ZNF704: variants seen among roughly 807,000 people sequenced by gnomAD.
ZNF704 encodes the protein glucocorticoid induced gene 1.
A neutral mutation model predicts 44.7 loss-of-function variants in ZNF704; 10 were observed. The observed-to-expected ratio is 0.22, with a 90% CI of 0.14 to 0.38. ZNF704 has a LOEUF of 0.38. Ranked by LOEUF, ZNF704 falls within the 10% of genes least tolerant of loss-of-function variation. The pLI, the probability that ZNF704 is intolerant of heterozygous loss-of-function variation, is 1.00. For missense variants in ZNF704, 390 were observed against 545.5 expected (o/e 0.71, Z 2.84); for synonymous variants, 211 against 207.6 (o/e 1.02, Z -0.14).
chr8:80,745,001 T>C (rs2131697909), intron 2 of ZNF704, among the ~76,000 whole-genome samples: 1 of 152,226 alleles, frequency 6.6e-6, no homozygotes, highest in African/African-American at 2.4e-5. Flanking sequence ...AAATCTGTGG[T>C]CAATAATTAA....
rs1426388166 is a variant in ZNF704 at position 80,677,510 on chromosome 8, TAACTACCAACAGC to T, written c.559-6920_559-6908del. Among the ~76,000 whole-genome samples, 18 of 152,312 alleles carry T rather than the reference TAACTACCAACAGC, an allele frequency of 1.2e-4. No individual in the cohort carries two copies. The South Asian group carries it at 3.5e-3, about 30-fold the overall frequency. On this transcript the variant is annotated intron_variant, in intron 4 of 8. Coordinates refer to ENST00000327835, the MANE Select transcript of ZNF704 (RefSeq NM_001033723.3). ...TCTGTCAAGTCACTTGGAATTAGGA[TAACTACCAACAGC>T]AATTGTTTATCTCCTCCTCACACAT...
At chr8:80,688,715 T>C (rs1441967542) in intron 3 of ZNF704, among the ~76,000 whole-genome samples, 1 of 152,230 alleles carries the variant, frequency 6.6e-6, no homozygotes, top group African/African-American at 2.4e-5. Flanking sequence ...CATTATGAAA[T>C]GTTTGCTAAT....
At chr8:80,758,801 A>G (rs1807080564) in intron 2 of ZNF704, among the ~76,000 whole-genome samples, 1 of 152,218 alleles carries the variant, frequency 6.6e-6, no homozygotes, top group Non-Finnish European at 1.5e-5. Context: ...TCACAGTTTA[A>G]TTGGCAGCAT....
At chr8:80,670,748 C>T in intron 4 of ZNF704, 145 bp from the exon 5 acceptor site, 1 of 618,094 alleles carries the variant, frequency 1.6e-6, no homozygotes, top group Non-Finnish European at 2.9e-6. Context: ...CTATTGTAGG[C>T]ATCCCTAGGT....
rs898443886 is a variant in ZNF704, at chr8:80,818,248, G to A, written c.221+3126C>T. Among the ~76,000 whole-genome samples the A allele has an allele frequency of 2.0e-5, 3 of 152,054 alleles. No individual in the cohort carries two copies. The East Asian group carries it at 5.8e-4, about 29-fold the overall frequency. On this transcript the variant is annotated intron_variant, in intron 2 of 8. Coordinates refer to ENST00000327835, the MANE Select transcript of ZNF704 (RefSeq NM_001033723.3). ...AAGATAAAGTGAGAAACGTTACAGG[G>A]AACTGATTTTAAATGATTGAAGAAC...
chr8:80,647,122 T>C (rs1817845738), intron 7 of ZNF704, among the ~76,000 whole-genome samples: 1 of 152,242 alleles, frequency 6.6e-6, no homozygotes, highest in Non-Finnish European at 1.5e-5. Context: ...ACAAAACAAA[T>C]TCTCTGCCCT....
intron 2 of ZNF704, among the ~76,000 whole-genome samples, chr8:80,815,584 A>C (rs1278585636): frequency 6.6e-6 from 1 of 152,244 alleles, no homozygotes; most frequent in Non-Finnish European, 1.5e-5. Flanking sequence ...TGAGCATTAC[A>C]TTTGTAAATG....
intron 2 of ZNF704, among the ~76,000 whole-genome samples, chr8:80,718,056 G>A (rs761863547): frequency 3.3e-5 from 5 of 152,146 alleles, no homozygotes; most frequent in Non-Finnish European, 5.9e-5. Flanking sequence ...TGCCTTCCTC[G>A]TTTTTGTCTC....
intron 2 of ZNF704, among the ~76,000 whole-genome samples, chr8:80,799,088 T>C (rs894619240): frequency 6.6e-6 from 1 of 152,188 alleles, no homozygotes; most frequent in Non-Finnish European, 1.5e-5. Context: ...GATCCATAAA[T>C]AGAATTAACC....
At position 80,808,984 on chromosome 8, in the gene ZNF704, C is replaced by T. The variant is rs527630556; in HGVS notation, c.221+12390G>A. On this transcript the variant is annotated intron_variant, in intron 2 of 8. Transcript: ENST00000327835. ...CCGAAGAACAAAAATACAGTTTCTA[C>T]AAAGATTTGATAAAACCTTGCATCC... 1.8e-4 allele frequency among the ~76,000 whole-genome samples: 28 copies of T among 152,306 alleles called. No homozygotes were observed. The East Asian group carries it at 3.7e-3, about 20-fold the overall frequency.
At chr8:80,855,303 C>T (rs1808940038) in intron 1 of ZNF704, among the ~76,000 whole-genome samples, 2 of 150,404 alleles carry the variant, frequency 1.3e-5, no homozygotes, top group Non-Finnish European at 3.0e-5. Context: ...GTGTAATTAT[C>T]AATTTCTTTT....
intron 2 of ZNF704, among the ~76,000 whole-genome samples, chr8:80,807,594 C>T (rs1011278461): frequency 6.6e-6 from 1 of 151,868 alleles, no homozygotes; most frequent in African/African-American, 2.4e-5. Flanking sequence ...TCAATATATG[C>T]GCTCGTTTAG....
chr8:80,752,018 A>C (rs1806952727), intron 2 of ZNF704, among the ~76,000 whole-genome samples: 1 of 152,196 alleles, frequency 6.6e-6, no homozygotes, highest in Admixed American at 6.5e-5. Flanking sequence ...TGCTGGGATT[A>C]CAGGTGTGAG....
intron 1 of ZNF704, among the ~76,000 whole-genome samples, chr8:80,860,094 T>C (rs951142208): frequency 1.3e-5 from 2 of 152,166 alleles, no homozygotes; most frequent in Non-Finnish European, 2.9e-5. Flanking sequence ...GGGATGTATG[T>C]TTGAAGCACA....
At chr8:80,831,074 A>G (rs1479416236) in intron 1 of ZNF704, among the ~76,000 whole-genome samples, 1 of 151,820 alleles carries the variant, frequency 6.6e-6, no homozygotes, top group Non-Finnish European at 1.5e-5. Context: ...ATTTCTAAGA[A>G]CCCCTAGAAA....
chr8:80,844,829 T>TTTTA (rs60668049), intron 1 of ZNF704, among the ~76,000 whole-genome samples: 21,427 of 148,908 alleles, frequency 0.14, 1,651 homozygotes, highest in Middle Eastern at 0.2. Flanking sequence ...TTTCTTCTCT[T>TTTTA]TTTATTTATT....
chr8:80,872,786 G>T (rs1045229314), intron 1 of ZNF704, among the ~76,000 whole-genome samples: 14 of 152,126 alleles, frequency 9.2e-5, no homozygotes, highest in African/African-American at 3.4e-4. Context: ...GACTTCGCTA[G>T]AATTCTCAGC....
chr8:80,719,513 A>ATTATC (rs1283713593), intron 2 of ZNF704, among the ~76,000 whole-genome samples: 1 of 152,188 alleles, frequency 6.6e-6, no homozygotes, highest in African/African-American at 2.4e-5. Flanking sequence ...GCCCTTTTCA[A>ATTATC]AATGTGCACC....
Position 80,673,877 on chromosome 8 carries a change from G to A in ZNF704, c.559-3274C>T, listed in dbSNP as rs112249777. ...GGAGCCCACTGTTCACATGGGCTTC[G>A]TGAGCCCAGGGCCCACTGTGCCCCA... On this transcript the variant is annotated intron_variant, in intron 4 of 8. Transcript: ENST00000327835. Among the ~76,000 whole-genome samples, 615 of 152,320 alleles carry A rather than the reference G, an allele frequency of 4.0e-3. 4 individuals carry two copies. The highest frequency in any genetic ancestry group is 0.014 in the African/African-American group (574 of 41,582).
Sources: gnomAD v4.1 joint callset for allele counts (sites outside exome capture counted in the v4.1 genomes callset) on GRCh38, gnomAD v4.1.1 for gene constraint, MANE v1.5 for transcripts, NCBI Gene and HGNC (gene_info 2026-07-23, HGNC 2026-07-21) for gene names.